The following PIK3C2G variants were observed in gnomAD, a reference collection of about 807,000 sequenced individuals.
PIK3C2G encodes the protein phosphatidylinositol 3-kinase C2 domain-containing subunit gamma.
Under a neutral mutation model 181.1 loss-of-function variants are expected in PIK3C2G, and 168 were observed. The ratio of observed to expected loss-of-function variants is 0.93; its 90% CI spans 0.82 to 1.05. The LOEUF (loss-of-function observed/expected upper bound fraction) is 1.05, where lower values mean the gene tolerates loss of function less well. Ranked by LOEUF, PIK3C2G falls within the 50% of genes least tolerant of loss-of-function variation. The pLI, the probability that PIK3C2G is intolerant of heterozygous loss-of-function variation, is 0.00. For synonymous variants in PIK3C2G, 573 were observed against 592.2 expected (o/e 0.97, Z 0.47); for missense variants, 1,869 against 1,732.8 (o/e 1.08, Z -1.40).
At chr12:18,602,481 G>A (rs557912776) in intron 30 of PIK3C2G, among the ~76,000 whole-genome samples, 1 of 151,264 alleles carries the variant, frequency 6.6e-6, no homozygotes, top group East Asian at 2.0e-4. Context: ...TATAATTGTG[G>A]GAGTTCTAGG....
At position 18,590,578 on chromosome 12, in the gene PIK3C2G, G is replaced by A. The variant is rs895289432; in HGVS notation, c.4012-3916G>A. Among the ~76,000 whole-genome samples, 16 of 151,818 alleles carry A rather than the reference G, an allele frequency of 1.1e-4. No individual in the cohort carries two copies. The East Asian group carries it at 1.2e-3, about 11-fold the overall frequency. ...GAGGTCAATACCAGTGGAGAACACC[G>A]GCATAGGTTATTAATGAGAGCAAAT... On this transcript the variant is annotated intron_variant, in intron 29 of 32. Coordinates refer to ENST00000538779, the MANE Select transcript of PIK3C2G (RefSeq NM_001288772.2).
intron 24 of PIK3C2G, among the ~76,000 whole-genome samples, chr12:18,511,287 T>C (rs1942189190): frequency 6.6e-6 from 1 of 152,160 alleles, no homozygotes. Context: ...GCAAAGAATA[T>C]GACAGTGAAG....
In PIK3C2G at chr12:18,262,918, A is replaced by G. The variant is rs978430448; in HGVS notation, c.-79+1341A>G. ...ATTCTTGCTATTTTCCAAATGTATG[A>G]TCTGATGAAATGTTATACAGATAAT... is the stretch of plus-strand genomic sequence containing the variant. On this transcript the variant is annotated intron_variant, in intron 1 of 32. Transcript: ENST00000538779. Among the ~76,000 whole-genome samples, 8 of 152,310 alleles carry G rather than the reference A, an allele frequency of 5.3e-5. No individual in the cohort carries two copies. The East Asian group carries it at 1.2e-3, about 22-fold the overall frequency.
rs1944226944 is a variant in PIK3C2G at position 18,542,730 on chromosome 12, G to C, written c.3481-3593G>C. ...CAGCTCCACCCATGTTCCAGTAAAA[G>C]ACATGATCTCATTTTTTTGTAAGGC... On this transcript the variant is annotated intron_variant, in intron 25 of 32. Coordinates refer to ENST00000538779, the MANE Select transcript of PIK3C2G (RefSeq NM_001288772.2). 2.0e-5 allele frequency among the ~76,000 whole-genome samples: 3 copies of C among 151,878 alleles called. No individual in the cohort carries two copies. In the South Asian group the frequency reaches 6.2e-4, roughly 31 times the overall value.
chr12:18,277,366 A>AG (rs11402222), intron 1 of PIK3C2G, among the ~76,000 whole-genome samples: 9,152 of 152,126 alleles, frequency 0.06, 398 homozygotes, highest in Non-Finnish European at 0.093. Context: ...ATATCCTTCC[A>AG]CTCAGAGCCC....
At chr12:18,629,495 C>G (rs1024604662) in intron 31 of PIK3C2G, among the ~76,000 whole-genome samples, 1 of 152,120 alleles carries the variant, frequency 6.6e-6, no homozygotes, top group Non-Finnish European at 1.5e-5. Context: ...GAGATGAAGT[C>G]TCTAAAAGAA....
chr12:18,287,595 C>A (rs1949503176), intron 3 of PIK3C2G, among the ~76,000 whole-genome samples: 1 of 152,172 alleles, frequency 6.6e-6, no homozygotes, highest in African/African-American at 2.4e-5. Context: ...GTAGCTCACG[C>A]CTGTAATCCC....
chr12:18,711,957 G>T, the PIK3C2G span, among the ~76,000 whole-genome samples: 1 of 151,896 alleles, frequency 6.6e-6, no homozygotes, highest in African/African-American at 2.4e-5. Flanking sequence ...TATTTATTTT[G>T]TACTCCATTT....
At chr12:18,629,209 CTT>C (rs1949236706) in intron 31 of PIK3C2G, among the ~76,000 whole-genome samples, 1 of 152,118 alleles carries the variant, frequency 6.6e-6, no homozygotes, top group Non-Finnish European at 1.5e-5. Flanking sequence ...TGCTGATTTT[CTT>C]TTGTTTCTTC....
chr12:18,685,675 T>A, the PIK3C2G span: 1 of 515,482 alleles, frequency 1.9e-6, no homozygotes, highest in Non-Finnish European at 3.9e-6. Flanking sequence ...AGAGAAATAA[T>A]TTCATGGGGT....
intron 14 of PIK3C2G, among the ~76,000 whole-genome samples, chr12:18,390,787 AAAAAGGATAT>A (rs1943485894): frequency 6.6e-6 from 1 of 152,136 alleles, no homozygotes; most frequent in Admixed American, 6.6e-5. Flanking sequence ...ACCGAAATGT[AAAAAGGATAT>A]AATGTTAGCA....
At chr12:18,669,605 T>C in the PIK3C2G span, among the ~76,000 whole-genome samples, 1 of 152,106 alleles carries the variant, frequency 6.6e-6, no homozygotes, top group African/African-American at 2.4e-5. Context: ...TTCCAGACAG[T>C]TGCCTTTGCA....
intron 26 of PIK3C2G, among the ~76,000 whole-genome samples, chr12:18,552,033 G>A (rs1381329016): frequency 6.6e-6 from 1 of 152,042 alleles, no homozygotes; most frequent in Non-Finnish European, 1.5e-5. Flanking sequence ...CTTCTTCTGT[G>A]AACTTTGAGC....
rs571072308 is a variant in PIK3C2G at position 18,548,548 on chromosome 12, G to A, written c.3590+2116G>A. 5.9e-5 allele frequency among the ~76,000 whole-genome samples: 9 copies of A among 152,018 alleles called. 1 individual carries two copies. Among genetic ancestry groups the A allele is most frequent in the Admixed American group, 2.6e-4 (4 of 15,256 alleles). ...CTTGGATATCAGTGATCTTGCCTACGGTGACCTATCTCCCCTTCCCATTCA... is the reference window on the plus strand; with the variant it reads ...CTTGGATATCAGTGATCTTGCCTACAGTGACCTATCTCCCCTTCCCATTCA... On this transcript the variant is annotated intron_variant, in intron 26 of 32. Coordinates refer to ENST00000538779, the MANE Select transcript of PIK3C2G (RefSeq NM_001288772.2).
At chr12:18,487,624 C>G (rs1940179964) in intron 18 of PIK3C2G, among the ~76,000 whole-genome samples, 1 of 152,000 alleles carries the variant, frequency 6.6e-6, no homozygotes, top group African/African-American at 2.4e-5. Context: ...AATTGTCAAA[C>G]ATTTGTTGTT....
chr12:18,652,886 T>C (rs1591801292), downstream of PIK3C2G, among the ~76,000 whole-genome samples: 1 of 152,012 alleles, frequency 6.6e-6, no homozygotes, highest in African/African-American at 2.4e-5. Flanking sequence ...ACATTGAACA[T>C]ATACATATAT....
intron 8 of PIK3C2G, among the ~76,000 whole-genome samples, chr12:18,327,278 G>C (rs368673764): frequency 5.3e-4 from 80 of 152,134 alleles, no homozygotes; most frequent in African/African-American, 1.9e-3. Context: ...GATATTATCA[G>C]TTCACAATTT....
At chr12:18,464,482 C>T (rs1937635095) in intron 18 of PIK3C2G, among the ~76,000 whole-genome samples, 1 of 152,058 alleles carries the variant, frequency 6.6e-6, no homozygotes, top group Non-Finnish European at 1.5e-5. Context: ...AACAAACTGC[C>T]ATGAATTCAC....
chr12:18,471,333 T>A (rs959202717), intron 18 of PIK3C2G, among the ~76,000 whole-genome samples: 1 of 152,120 alleles, frequency 6.6e-6, no homozygotes, highest in Non-Finnish European at 1.5e-5. Context: ...TCCTCTCTAC[T>A]CAAAAATCTT....
Sources: gnomAD v4.1 joint callset for allele counts (sites outside exome capture counted in the v4.1 genomes callset) on GRCh38, gnomAD v4.1.1 for gene constraint, MANE v1.5 for transcripts, NCBI Gene and HGNC (gene_info 2026-07-23, HGNC 2026-07-21) for gene names.